The following PRKG1 variants were observed in gnomAD, a reference collection of about 807,000 sequenced individuals.
PRKG1 encodes cGMP-dependent protein kinase 1.
A neutral mutation model predicts 88.1 loss-of-function variants in PRKG1; 35 were observed. The observed-to-expected ratio is 0.40, with a 90% CI of 0.30 to 0.53. The LOEUF (loss-of-function observed/expected upper bound fraction) is 0.53. PRKG1 is among the 20% of genes least tolerant of loss of function. PRKG1 has a pLI of 0.59. For synonymous variants in PRKG1, 303 were observed against 292.5 expected, an observed-to-expected ratio of 1.04 and a Z score of -0.37; for missense variants, 540 against 839.8, an observed-to-expected ratio of 0.64 and a Z score of 4.41.
intron 5 of PRKG1, among the ~76,000 whole-genome samples, chr10:52,025,169 A>T (rs916333877): frequency 2.0e-5 from 3 of 151,890 alleles, no homozygotes; most frequent in African/African-American, 7.3e-5. Flanking sequence ...CCACTTTTTG[A>T]TGGGGTTGTT....
intron 2 of PRKG1, among the ~76,000 whole-genome samples, chr10:51,287,058 T>C (rs1349995472): frequency 6.6e-6 from 1 of 152,086 alleles, no homozygotes; most frequent in Non-Finnish European, 1.5e-5. Flanking sequence ...TAATATTTTT[T>C]GTAGAGATGG....
At chr10:51,518,904 T>C (rs1314727349) in intron 3 of PRKG1, among the ~76,000 whole-genome samples, 1 of 152,210 alleles carries the variant, frequency 6.6e-6, no homozygotes, top group East Asian at 1.9e-4. Flanking sequence ...TATTCTTAGC[T>C]ATAAGGATTT....
intron 9 of PRKG1, among the ~76,000 whole-genome samples, chr10:52,219,952 T>C (rs929246481): frequency 6.6e-6 from 1 of 152,146 alleles, no homozygotes; most frequent in African/African-American, 2.4e-5. Flanking sequence ...GTCATTCATC[T>C]TGAGGTTTCT....
chr10:51,658,444 C>A (rs534506821), intron 3 of PRKG1, among the ~76,000 whole-genome samples: 1 of 152,168 alleles, frequency 6.6e-6, no homozygotes, highest in South Asian at 2.1e-4. Flanking sequence ...ACAAATGTCC[C>A]TTCCAGATCC....
chr10:51,258,879 G>A (rs1259548665), intron 2 of PRKG1, among the ~76,000 whole-genome samples: 1 of 152,180 alleles, frequency 6.6e-6, no homozygotes, highest in Non-Finnish European at 1.5e-5. Context: ...ATGCATTGTG[G>A]ATCTCAAGAA....
At chr10:51,740,084 G>C (rs1837393396) in intron 3 of PRKG1, among the ~76,000 whole-genome samples, 2 of 152,276 alleles carry the variant, frequency 1.3e-5, no homozygotes, top group South Asian at 2.1e-4. Flanking sequence ...CTGGAGTGCA[G>C]TGGTATGACC....
At position 51,857,715 on chromosome 10, in the gene PRKG1, G is replaced by C. The variant is rs141199650; in HGVS notation, c.699-49792G>C. ...AAAATGTTTAAAGCTGTACTTAAAG[G>C]CTTTTTCTTTAGAGCCAGCCAGATT... On this transcript the variant is annotated intron_variant, in intron 4 of 17. Transcript: ENST00000373980. Among the ~76,000 whole-genome samples, 1,175 of 152,128 alleles carry C rather than the reference G, an allele frequency of 7.7e-3. 12 individuals are homozygous for C. Among genetic ancestry groups the C allele is most frequent in the East Asian group, 0.028 (145 of 5,188 alleles).
chr10:52,127,296 A>G (rs1847952820), intron 7 of PRKG1, among the ~76,000 whole-genome samples: 1 of 152,188 alleles, frequency 6.6e-6, no homozygotes, highest in Non-Finnish European at 1.5e-5. Context: ...TGAGGTTAGG[A>G]GAAAATGAGT....
At chr10:51,593,200 C>T (rs988847963) in intron 3 of PRKG1, among the ~76,000 whole-genome samples, 1 of 152,116 alleles carries the variant, frequency 6.6e-6, no homozygotes, top group Non-Finnish European at 1.5e-5. Flanking sequence ...CTAAAGTGCC[C>T]TGTATACAGT....
At chr10:52,114,284 A>T (rs1157482505) in intron 7 of PRKG1, among the ~76,000 whole-genome samples, 1 of 152,044 alleles carries the variant, frequency 6.6e-6, no homozygotes, top group East Asian at 1.9e-4. Context: ...TCAAATCTAG[A>T]TCTGCCACTT....
At chr10:52,221,356 T>TA (rs966728356) in intron 9 of PRKG1, among the ~76,000 whole-genome samples, 6 of 152,218 alleles carry the variant, frequency 3.9e-5, no homozygotes, top group Non-Finnish European at 8.8e-5. Flanking sequence ...TAACCTCTGT[T>TA]AAAATTTAAT....
At chr10:51,928,459 C>T (rs754160409) in intron 5 of PRKG1, among the ~76,000 whole-genome samples, 2 of 152,184 alleles carry the variant, frequency 1.3e-5, no homozygotes, top group African/African-American at 4.8e-5. Flanking sequence ...CTATGAAATC[C>T]TAATTACCAT....
At chr10:52,003,366 C>T (rs115973044) in intron 5 of PRKG1, among the ~76,000 whole-genome samples, 2 of 150,046 alleles carry the variant, frequency 1.3e-5, no homozygotes, top group South Asian at 4.3e-4. Flanking sequence ...TCATTATCCT[C>T]AAATTCCATT....
chr10:52,029,800 A>G (rs1439427681), intron 5 of PRKG1, among the ~76,000 whole-genome samples: 2 of 152,168 alleles, frequency 1.3e-5, no homozygotes, highest in South Asian at 2.1e-4. Context: ...GTGGTTTCCC[A>G]TTCTATAGAT....
At chr10:51,788,970 G>C (rs1370279101) in intron 3 of PRKG1, among the ~76,000 whole-genome samples, 2 of 152,122 alleles carry the variant, frequency 1.3e-5, no homozygotes, top group African/African-American at 4.8e-5. Context: ...AACTGACTAG[G>C]AAAAGGAAAA....
chr10:51,200,202 G>A (rs1837877517), intron 2 of PRKG1, among the ~76,000 whole-genome samples: 1 of 152,204 alleles, frequency 6.6e-6, no homozygotes, highest in African/African-American at 2.4e-5. Flanking sequence ...AAATTCAATA[G>A]CTAGTTCTGG....
chr10:51,538,379 CATT>C (rs1244931033), intron 3 of PRKG1, among the ~76,000 whole-genome samples: 6 of 143,458 alleles, frequency 4.2e-5, no homozygotes, highest in African/African-American at 7.6e-5. Flanking sequence ...ATATGATATA[CATT>C]ATTATACATA....
At chr10:51,588,840 T>C (rs1838236667) in intron 3 of PRKG1, among the ~76,000 whole-genome samples, 2 of 152,186 alleles carry the variant, frequency 1.3e-5, no homozygotes, top group Non-Finnish European at 2.9e-5. Context: ...GGCTAGGAGA[T>C]GTATAACATC....
chr10:52,129,090 T>G (rs959646444), intron 7 of PRKG1, among the ~76,000 whole-genome samples: 1 of 152,168 alleles, frequency 6.6e-6, no homozygotes, highest in Non-Finnish European at 1.5e-5. Context: ...AAAGTACAAA[T>G]GAAAGTAAGT....
Sources: gnomAD v4.1 joint callset for allele counts (sites outside exome capture counted in the v4.1 genomes callset) on GRCh38, gnomAD v4.1.1 for gene constraint, MANE v1.5 for transcripts, NCBI Gene and HGNC (gene_info 2026-07-23, HGNC 2026-07-21) for gene names.